The following CCNL1 variants were observed in gnomAD, a reference collection of about 807,000 sequenced individuals.
CCNL1 encodes the protein cyclin-L1.
In CCNL1, 13 loss-of-function variants were observed where a neutral mutation model predicts 60.6. The observed-to-expected ratio is 0.21, with a 90% CI of 0.14 to 0.34. The LOEUF (loss-of-function observed/expected upper bound fraction) is 0.34, where lower values mean the gene tolerates loss of function less well. CCNL1 is among the 10% of genes least tolerant of loss of function. The pLI is 1.00. For synonymous variants in CCNL1, 270 were observed against 244.3 expected (o/e 1.10, Z -0.98); for missense variants, 481 against 664.3 (o/e 0.72, Z 3.03).
intron 3 of CCNL1, among the ~76,000 whole-genome samples, chr3:157,157,844 A>AG (rs1465149839): frequency 6.6e-6 from 1 of 152,218 alleles, no homozygotes; most frequent in African/African-American, 2.4e-5. Flanking sequence ...TGCTTGTCTG[A>AG]ATAGTTCCAT....
intron 3 of CCNL1, 118 bp downstream of exon 3, chr3:157,158,743 CTAAAT>C (rs1007916788): frequency 1.2e-5 from 7 of 607,884 alleles, no homozygotes; most frequent in Admixed American, 6.1e-5. Flanking sequence ...ACTTTAACAC[CTAAAT>C]TAAAGTCCGT....
intron 10 of CCNL1, 94 bp downstream of exon 10, chr3:157,149,193 C>T (rs962918185): frequency 8.7e-6 from 9 of 1,038,538 alleles, no homozygotes; most frequent in African/African-American, 6.4e-5. Context: ...TCTAACCTAA[C>T]TTTGAAAATA....
In CCNL1 at chr3:157,150,872, T is replaced by C. The variant is rs539491791; in HGVS notation, c.675-491A>G. 2.9e-5 allele frequency: 29 copies of C among 984,968 alleles called. No homozygotes were observed. In the African/African-American group the frequency reaches 3.8e-4, roughly 13 times the overall value. 61.0% of individuals were successfully genotyped at this position (984,968 alleles called of 1,614,324 possible). On this transcript the variant is annotated intron_variant, in intron 5 of 10. Coordinates refer to ENST00000295926, the MANE Select transcript of CCNL1 (RefSeq NM_020307.4). ...TTCAGTAAGTACCAAGTTAAACTTA[T>C]ATTAAGAAAGCTAAGATACTTAGAA...
At chr3:157,158,152 C>T (rs1229580071) in intron 3 of CCNL1, among the ~76,000 whole-genome samples, 2 of 152,186 alleles carry the variant, frequency 1.3e-5, no homozygotes, top group Admixed American at 6.5e-5. Context: ...AATTATGTTA[C>T]CACAACACCT....
At chr3:157,157,645 TAA>T (rs1738722434) in intron 3 of CCNL1, among the ~76,000 whole-genome samples, 1 of 152,086 alleles carries the variant, frequency 6.6e-6, no homozygotes, top group East Asian at 1.9e-4. Context: ...ATCAACAAAC[TAA>T]AAGATATTTT....
At chr3:157,154,973 T>C (rs77636175) in intron 3 of CCNL1, among the ~76,000 whole-genome samples, 3 of 130,682 alleles carry the variant, frequency 2.3e-5, no homozygotes, top group African/African-American at 3.1e-5. Context: ...TACATACATA[T>C]AAACATATTC....
At chr3:157,159,576 C>A in intron 1 of CCNL1, 97 bp from the exon 2 acceptor site, 3 of 1,177,166 alleles carry the variant, frequency 2.5e-6, no homozygotes, top group Non-Finnish European at 3.7e-6. Flanking sequence ...CCTTTCCCCT[C>A]CCGCCGCCGC....
intron 3 of CCNL1, chr3:157,153,587 A>G (rs1336595013): frequency 6.5e-6 from 1 of 154,692 alleles, no homozygotes; most frequent in African/African-American, 2.4e-5. Context: ...ACTTACTAAT[A>G]TCAGTGTCAC....
At chr3:157,156,840 T>G (rs1285120768) in intron 3 of CCNL1, 1 of 1,062,824 alleles carries the variant, frequency 9.4e-7, no homozygotes, top group Non-Finnish European at 1.2e-6. Flanking sequence ...TATGCAAAAA[T>G]AAATACAAAG....
intron 5 of CCNL1, chr3:157,151,766 A>C: frequency 9.8e-7 from 1 of 1,025,218 alleles, no homozygotes; most frequent in Non-Finnish European, 1.2e-6. Context: ...TGACACCCCG[A>C]CAGAACTAGA....
chr3:157,153,759 G>A (rs1180423858), intron 3 of CCNL1: 3 of 152,110 alleles, frequency 2.0e-5, no homozygotes, highest in Non-Finnish European at 1.5e-5. Flanking sequence ...AAAGTTGGGG[G>A]GGGTGGGAAC....
Position 157,149,055 on chromosome 3 carries a change from T to G in CCNL1, c.1232+232A>C, listed in dbSNP as rs556771864. On this transcript the variant is annotated intron_variant, in intron 10 of 10. Coordinates refer to ENST00000295926, the MANE Select transcript of CCNL1 (RefSeq NM_020307.4). ...AACAATACTATGGCCCTCAAGCACT[T>G]TGTGGGTAGCTCCTACACTTCTCCA... 27 of 511,130 alleles carry G rather than the reference T, an allele frequency of 5.3e-5. No homozygotes were observed. The East Asian group carries it at 8.0e-4, about 15-fold the overall frequency. 31.7% of individuals were successfully genotyped at this position (511,130 alleles called of 1,614,324 possible). A position where few individuals can be genotyped will look rare whatever the true frequency, so the allele number is the denominator to read the frequency against.
chr3:157,158,896 A>C lies in CCNL1; in HGVS notation c.458T>G (p.Phe153Cys), dbSNP rs777864699. The change falls in exon 3 of 11, where the codon TTC (phenylalanine) becomes TGC (cysteine). Residue 153 changes from phenylalanine (F) to cysteine (C), a missense_variant. By Grantham distance (205) the Phe-to-Cys change is radical (BLOSUM62 -2). Around this residue, in one of 5 missense-constraint regions of CCNL1, gnomAD observed 130 missense variants for 174.5 expected, o/e 0.75. Coordinates refer to ENST00000295926, the MANE Select transcript of CCNL1 (RefSeq NM_020307.4). ...PRRIRDVINV[F>C]HHLRQLRGKR... ...TCCTCTTAACTGGCGGAGGTGGTGG[A>C]ATACATTAATCACATCTCTTATTCT... 6.9e-5 allele frequency: 111 copies of C among 1,612,828 alleles called. No homozygotes were observed. The highest frequency in any genetic ancestry group is 1.4e-5 in the Non-Finnish European group (17 of 1,179,260).
downstream of CCNL1, among the ~76,000 whole-genome samples, chr3:157,145,573 G>C (rs1336215928): frequency 6.6e-6 from 1 of 150,666 alleles, no homozygotes; most frequent in African/African-American, 2.5e-5. Flanking sequence ...ATGAGACAGA[G>C]AACAGAGGGA....
intron 2 of CCNL1, 123 bp from the exon 3 acceptor site, chr3:157,159,098 C>G (rs1738851236): frequency 4.4e-6 from 3 of 688,302 alleles, no homozygotes; most frequent in Non-Finnish European, 7.5e-6. Flanking sequence ...TGCCGTAAGT[C>G]TACCAGCTAT....
In CCNL1 at chr3:157,148,182, T is replaced by C. The variant is rs1737877630; in HGVS notation, c.*59A>G. On this transcript the variant is annotated 3_prime_UTR_variant, in exon 11 of 11. Coordinates refer to ENST00000295926, the MANE Select transcript of CCNL1 (RefSeq NM_020307.4). Reference sequence around the variant, plus strand: ...CGTTTAATGTTTTTGATTGAGTCCATACATCACACTGTAGATAGGCAAAAC... The same window carrying C: ...CGTTTAATGTTTTTGATTGAGTCCACACATCACACTGTAGATAGGCAAAAC... 1.9e-6 allele frequency: 3 copies of C among 1,556,796 alleles called. No individual in the cohort carries two copies. The highest frequency in any genetic ancestry group is 8.7e-7 in the Non-Finnish European group (1 of 1,154,502).
chr3:157,158,785 A>G (rs6441115), intron 3 of CCNL1, 81 bp downstream of exon 3: 212,104 of 862,354 alleles, frequency 0.25, 28,608 homozygotes, highest in Admixed American at 0.46. Flanking sequence ...ATTCACTTGA[A>G]AGGAAAGATG....
chr3:157,149,421 G>A (rs1738000313), intron 9 of CCNL1, 36 bp from the exon 10 acceptor site: 11 of 1,607,012 alleles, frequency 6.8e-6, no homozygotes, highest in Non-Finnish European at 9.4e-6. Context: ...TACAAACTTA[G>A]TGTGTTAAAA....
downstream of CCNL1, among the ~76,000 whole-genome samples, chr3:157,143,293 C>T (rs979423428): frequency 6.6e-6 from 1 of 152,170 alleles, no homozygotes; most frequent in Non-Finnish European, 1.5e-5. Context: ...TTTGCTACCC[C>T]TAGGATGTTG....
Sources: gnomAD v4.1 joint callset for allele counts (sites outside exome capture counted in the v4.1 genomes callset) on GRCh38, gnomAD v4.1.1 for gene constraint, gnomAD v4.1.1 regional missense constraint, MANE v1.5 for transcripts, NCBI Gene and HGNC (gene_info 2026-07-23, HGNC 2026-07-21) for gene names.